The following LMBRD1 variants were observed in gnomAD, a reference collection of about 807,000 sequenced individuals.
LMBRD1 encodes the protein LMBR1 domain containing 1.
Under a neutral mutation model 74.8 loss-of-function variants are expected in LMBRD1, and 64 were observed. The ratio of observed to expected loss-of-function variants is 0.86; its 90% CI spans 0.70 to 1.05. The LOEUF is 1.05. Ranked by LOEUF, LMBRD1 falls within the 50% of genes least tolerant of loss-of-function variation. LMBRD1 has a pLI of 0.00. For synonymous variants in LMBRD1, 204 were observed against 216.3 expected, an observed-to-expected ratio of 0.94 and a Z score of 0.50; for missense variants, 652 against 645.9, an observed-to-expected ratio of 1.01 and a Z score of -0.10.
At chr6:69,691,005 C>T (rs1765865099) in intron 14 of LMBRD1, among the ~76,000 whole-genome samples, 1 of 152,068 alleles carries the variant, frequency 6.6e-6, no homozygotes, top group South Asian at 2.1e-4. Flanking sequence ...CTCTCCTCTT[C>T]CAAACTCTTA....
chr6:69,745,920 G>T, intron 5 of LMBRD1: 1 of 223,712 alleles, frequency 4.5e-6, no homozygotes, highest in Non-Finnish European at 9.0e-6. Context: ...AGTGGTGCCT[G>T]GTCACCAGAG....
chr6:69,676,410 T>C lies in LMBRD1; in HGVS notation c.1509+40A>G, dbSNP rs765895150. On this transcript the variant is annotated intron_variant, in intron 15 of 15. Coordinates refer to ENST00000649934, the MANE Select transcript of LMBRD1 (RefSeq NM_018368.4). ...AGTTTACACATTTAACTATAATTTATAAAGGAAGGTCAAATCACGCGTGGG... is the reference window on the plus strand; with the variant it reads ...AGTTTACACATTTAACTATAATTTACAAAGGAAGGTCAAATCACGCGTGGG... 14 of 1,593,058 alleles carry C rather than the reference T, an allele frequency of 8.8e-6. No individual in the cohort carries two copies. The South Asian group carries it at 1.5e-4, about 18-fold the overall frequency.
At chr6:69,742,623 A>C (rs1422623908) in intron 5 of LMBRD1, among the ~76,000 whole-genome samples, 1 of 152,128 alleles carries the variant, frequency 6.6e-6, no homozygotes. Context: ...GTGTAGGAAC[A>C]AACAGGAGTA....
chr6:69,699,047 A>G lies in LMBRD1; in HGVS notation c.1334T>C (p.Ile445Thr), dbSNP rs997280640. Residue 445 changes from isoleucine to threonine, a missense_variant, in exon 13 of 16, where the codon ATA (isoleucine) becomes ACA (threonine). By Grantham distance (89) the Ile-to-Thr change is moderately conservative. Coordinates refer to ENST00000649934, the MANE Select transcript of LMBRD1 (RefSeq NM_018368.4). ...AGTTTCAAATATTTCACTTACCTCT[A>G]TTAAGTAATTTTGGCTTCCATACAT... ...YVMYGSQNYL[I>T]ETNITSDNHK... is the part of the protein sequence containing the mutation. 6.3e-6 allele frequency: 10 copies of G among 1,581,670 alleles called. No individual in the cohort carries two copies. Among genetic ancestry groups the G allele is most frequent in the Non-Finnish European group, 8.7e-6 (10 of 1,151,856 alleles).
chr6:69,796,138 T>C (rs568571161), intron 1 of LMBRD1, among the ~76,000 whole-genome samples: 1 of 152,232 alleles, frequency 6.6e-6, no homozygotes, highest in East Asian at 1.9e-4. Context: ...AATAAGATCG[T>C]TGGAAAAGAA....
At chr6:69,684,727 T>C (rs1350795683) in intron 14 of LMBRD1, among the ~76,000 whole-genome samples, 3 of 152,064 alleles carry the variant, frequency 2.0e-5, no homozygotes, top group Non-Finnish European at 2.9e-5. Context: ...CATTATAATA[T>C]ATAATTATGA....
chr6:69,682,554 T>A lies in LMBRD1; in HGVS notation c.1418-6013A>T, dbSNP rs149432232. ...CCATATAACACTCATTAAAAGGGAG[T>A]ACAAGGTAAGTATTAGCATATAAAA... On this transcript the variant is annotated intron_variant, in intron 14 of 15. Transcript: ENST00000649934. Among the ~76,000 whole-genome samples, 615 of 151,952 alleles carry A rather than the reference T, an allele frequency of 4.0e-3. 3 individuals carry two copies. The highest frequency in any genetic ancestry group is 0.027 in the Middle Eastern group (8 of 292).
intron 4 of LMBRD1, 65 bp downstream of exon 4, chr6:69,752,194 T>C (rs1765172188): frequency 2.0e-6 from 3 of 1,507,960 alleles, no homozygotes; most frequent in South Asian, 2.4e-5. Context: ...TCATTCATTC[T>C]CTGAAAAAGC....
chr6:69,688,778 C>T (rs1765819256), intron 14 of LMBRD1, among the ~76,000 whole-genome samples: 1 of 151,862 alleles, frequency 6.6e-6, no homozygotes, highest in South Asian at 2.1e-4. Flanking sequence ...TACTTCTTTC[C>T]TGAGGCACAC....
chr6:69,684,798 T>C (rs986351643), intron 14 of LMBRD1, among the ~76,000 whole-genome samples: 2 of 152,002 alleles, frequency 1.3e-5, no homozygotes, highest in Non-Finnish European at 2.9e-5. Context: ...AGGAAATCAG[T>C]AGGTTCCCAG....
rs1039169593 is a variant in LMBRD1 at position 69,749,816 on chromosome 6, C to T, written c.406-408G>A. Reference sequence around the variant, plus strand: ...ATATACGTTTGTGTTTGAGTATATACATGAGTATATATTAAATATATTTGT... The same window carrying T: ...ATATACGTTTGTGTTTGAGTATATATATGAGTATATATTAAATATATTTGT... On this transcript the variant is annotated intron_variant, in intron 4 of 15. Transcript: ENST00000649934. Among the ~76,000 whole-genome samples, 13 of 148,986 alleles carry T rather than the reference C, an allele frequency of 8.7e-5. No individual in the cohort carries two copies. In the South Asian group the frequency reaches 1.5e-3, roughly 17 times the overall value.
At chr6:69,760,987 G>A (rs1765361163) in intron 3 of LMBRD1, among the ~76,000 whole-genome samples, 1 of 152,158 alleles carries the variant, frequency 6.6e-6, no homozygotes, top group Admixed American at 6.5e-5. Context: ...AGCCCAACAA[G>A]AGAACCTGAC....
At chr6:69,756,111 C>T (rs531982999) in intron 3 of LMBRD1, among the ~76,000 whole-genome samples, 42 of 151,976 alleles carry the variant, frequency 2.8e-4, no homozygotes, top group Non-Finnish European at 3.7e-4. Context: ...CTGTAATCTC[C>T]GCACTTTGGG....
rs566167841 is a variant in LMBRD1 at position 69,731,481 on chromosome 6, A to T, written c.636+6461T>A. ...ATAAAAGACAATACAGTTGGTTCCC[A>T]TGTCACAATGGTTCAACTTAGGATT... On this transcript the variant is annotated intron_variant, in intron 7 of 15. Coordinates refer to ENST00000649934, the MANE Select transcript of LMBRD1 (RefSeq NM_018368.4). Among the ~76,000 whole-genome samples, 15 of 152,210 alleles carry T rather than the reference A, an allele frequency of 9.9e-5. No homozygotes were observed. In the East Asian group the frequency reaches 2.5e-3, roughly 25 times the overall value.
chr6:69,718,991 C>T lies in LMBRD1; in HGVS notation c.727G>A (p.Glu243Lys). The T allele has an allele frequency of 1.9e-6, 3 of 1,613,334 alleles. No individual in the cohort carries two copies. Among genetic ancestry groups the T allele is most frequent in the Non-Finnish European group, 2.5e-6 (3 of 1,179,494 alleles). ...ATCGTTTGAATGTGTTGTTCTACTTCTTCAATGTCTTCAGTGTTTTCCAAA... is the reference window on the plus strand; with the variant it reads ...ATCGTTTGAATGTGTTGTTCTACTTTTTCAATGTCTTCAGTGTTTTCCAAA... ...ERLENTEDIE[E>K]VEQHIQTIKS... The change falls in exon 8 of 16, where the codon GAA (glutamate) becomes AAA (lysine). Residue 243 changes from glutamate to lysine, a missense_variant. Transcript: ENST00000649934.
chr6:69,768,559 C>T (rs1430755069), intron 3 of LMBRD1, among the ~76,000 whole-genome samples: 1 of 151,932 alleles, frequency 6.6e-6, no homozygotes, highest in Non-Finnish European at 1.5e-5. Flanking sequence ...CTAAACCCAA[C>T]ATTTACAGTG....
At chr6:69,701,127 T>C (rs1314071316) in intron 11 of LMBRD1, among the ~76,000 whole-genome samples, 1 of 151,752 alleles carries the variant, frequency 6.6e-6, no homozygotes, top group Non-Finnish European at 1.5e-5. Context: ...ATCTATGAGA[T>C]AAAAGACTTG....
In LMBRD1 at chr6:69,675,001, A is replaced by G. The variant is rs777884303; in HGVS notation, c.*1157T>C. Among the ~76,000 whole-genome samples the G allele has an allele frequency of 2.0e-5, 3 of 152,108 alleles. No individual in the cohort carries two copies. Among genetic ancestry groups the G allele is most frequent in the Non-Finnish European group, 4.4e-5 (3 of 68,002 alleles). ...AAAAAAAGAAAAAAGAAAATGTAAA[A>G]TAAGAACAGAAGGGAATGAAATCCT... On this transcript the variant is annotated 3_prime_UTR_variant, in exon 16 of 16. Coordinates refer to ENST00000649934, the MANE Select transcript of LMBRD1 (RefSeq NM_018368.4).
chr6:69,780,582 T>C (rs759220505), intron 2 of LMBRD1, 28 bp from the exon 3 acceptor site: 1 of 1,528,592 alleles, frequency 6.5e-7, no homozygotes, highest in South Asian at 1.1e-5. Context: ...AATAGAAATA[T>C]TAATGAAACA....
Sources: gnomAD v4.1 joint callset for allele counts (sites outside exome capture counted in the v4.1 genomes callset) on GRCh38, gnomAD v4.1.1 for gene constraint, MANE v1.5 for transcripts, NCBI Gene and HGNC (gene_info 2026-07-23, HGNC 2026-07-21) for gene names.